ABCC4: variants seen among roughly 807,000 people sequenced by gnomAD.
ABCC4 encodes the protein ATP-binding cassette sub-family C member 4.
ABCC4 carries 102 observed loss-of-function variants against 168.5 expected under a neutral mutation model. The ratio of observed to expected loss-of-function variants is 0.61; its 90% CI spans 0.52 to 0.71. ABCC4 has a LOEUF of 0.71. Ranked by LOEUF, ABCC4 falls within the 30% of genes least tolerant of loss-of-function variation. The pLI, the probability that ABCC4 is intolerant of heterozygous loss-of-function variation, is 0.00. For missense variants in ABCC4, 1,402 were observed against 1,605.8 expected (o/e 0.87, Z 2.17); for synonymous variants, 617 against 590.7 (o/e 1.04, Z -0.65).
At chr13:95,087,254 G>A (rs112940498) in intron 20 of ABCC4, among the ~76,000 whole-genome samples, 5,944 of 152,218 alleles carry the variant, frequency 0.039, 151 homozygotes, top group Middle Eastern at 0.054. Context: ...GGCAGGGTGC[G>A]GTGGCTCACG....
intron 11 of ABCC4, among the ~76,000 whole-genome samples, chr13:95,181,898 C>T (rs545649682): frequency 6.6e-6 from 1 of 152,256 alleles, no homozygotes; most frequent in South Asian, 2.1e-4. Flanking sequence ...TATCCATATA[C>T]AGCACTATCA....
intron 4 of ABCC4, among the ~76,000 whole-genome samples, chr13:95,231,725 TA>T (rs1301477829): frequency 2.0e-5 from 3 of 152,230 alleles, no homozygotes; most frequent in Non-Finnish European, 4.4e-5. Context: ...TTTGACTTCA[TA>T]AAGAGACAAT....
intron 21 of ABCC4, among the ~76,000 whole-genome samples, chr13:95,082,292 A>G (rs994689809): frequency 1.3e-5 from 2 of 152,206 alleles, no homozygotes; most frequent in African/African-American, 4.8e-5. Context: ...CAATGATGAA[A>G]TATGTTAATT....
intron 1 of ABCC4, among the ~76,000 whole-genome samples, chr13:95,296,356 T>C (rs2041536373): frequency 6.6e-6 from 1 of 151,852 alleles, no homozygotes; most frequent in African/African-American, 2.4e-5. Flanking sequence ...AAAAAGAAAA[T>C]ATAAAATTAA....
At chr13:95,162,350 A>C (rs2037125406) in intron 18 of ABCC4, among the ~76,000 whole-genome samples, 1 of 152,216 alleles carries the variant, frequency 6.6e-6, no homozygotes, top group Non-Finnish European at 1.5e-5. Flanking sequence ...TCTATCTCTG[A>C]GGAAAGCTTG....
chr13:95,146,547 T>C (rs1855458760), intron 19 of ABCC4, among the ~76,000 whole-genome samples: 1 of 152,210 alleles, frequency 6.6e-6, no homozygotes, highest in African/African-American at 2.4e-5. Context: ...GCAGTCTGAT[T>C]AATGATTTAT....
At chr13:95,212,130 G>A (rs77477770) in intron 4 of ABCC4, among the ~76,000 whole-genome samples, 9,578 of 143,752 alleles carry the variant, frequency 0.067, 354 homozygotes, top group East Asian at 0.1. Context: ...AGCCAAGATT[G>A]CACCACTGTA....
rs1751044 is a variant in ABCC4, at chr13:95,076,626, G to A, written c.2687-1075C>T. Among the ~76,000 whole-genome samples, 1,415 of 151,652 alleles carry A rather than the reference G, an allele frequency of 9.3e-3. 22 individuals carry two copies. The highest frequency in any genetic ancestry group is 0.032 in the African/African-American group (1,312 of 41,336). ...ATTACAGATGTCCACCACCACGGCCGGCTAATTTTTGAATTTTTAGTAGAG... is the reference window on the plus strand; with the variant it reads ...ATTACAGATGTCCACCACCACGGCCAGCTAATTTTTGAATTTTTAGTAGAG... On this transcript the variant is annotated intron_variant, in intron 21 of 30. Transcript: ENST00000645237.
At chr13:95,054,115 GGATTGCCTCTGATTTTGCATCAGT>G (rs1423367678) in intron 26 of ABCC4, among the ~76,000 whole-genome samples, 2 of 127,310 alleles carry the variant, frequency 1.6e-5, no homozygotes, top group Non-Finnish European at 3.1e-5. Flanking sequence ...ACTTATGAAA[GGATTGCCTCTGATTTTGCATCAGT>G]GAATCCCCAC....
chr13:95,064,106 C>T (rs187953103), intron 25 of ABCC4, among the ~76,000 whole-genome samples: 199 of 151,992 alleles, frequency 1.3e-3, no homozygotes, highest in Non-Finnish European at 2.2e-3. Flanking sequence ...TAAAGAGATA[C>T]ATGTACAAAA....
intron 13 of ABCC4, among the ~76,000 whole-genome samples, chr13:95,173,328 C>T (rs6492767): frequency 0.27 from 40,426 of 152,062 alleles, 5,352 homozygotes; most frequent in East Asian, 0.34. Context: ...CAGTCTAGTG[C>T]GGGGGCTGGA....
chr13:95,167,399 T>C (rs1203246680), intron 14 of ABCC4, among the ~76,000 whole-genome samples: 2 of 151,930 alleles, frequency 1.3e-5, no homozygotes, highest in African/African-American at 2.4e-5. Context: ...AACAAAATAT[T>C]AGGCAAACTC....
rs550234933 is a variant in ABCC4 at position 95,112,020 on chromosome 13, T to C, written c.2535+3902A>G. Among the ~76,000 whole-genome samples the C allele has an allele frequency of 7.9e-5, 12 of 152,282 alleles. 1 individual carries two copies. In the South Asian group the frequency reaches 2.5e-3, roughly 32 times the overall value. ...AAAACCAATAAAACGATCACCATCA[T>C]ACAGAAAACGTAATCAAACATGAAT... On this transcript the variant is annotated intron_variant, in intron 20 of 30. Coordinates refer to ENST00000645237, the MANE Select transcript of ABCC4 (RefSeq NM_005845.5).
At chr13:95,029,577 T>C (rs2139210999) in intron 30 of ABCC4, among the ~76,000 whole-genome samples, 1 of 152,262 alleles carries the variant, frequency 6.6e-6, no homozygotes, top group African/African-American at 2.4e-5. Context: ...TTGAATTTTG[T>C]AACATGAGCA....
At chr13:95,264,239 GA>G (rs576620432) in intron 1 of ABCC4, among the ~76,000 whole-genome samples, 1,862 of 147,442 alleles carry the variant, frequency 0.013, 40 homozygotes, top group African/African-American at 0.043. Flanking sequence ...AATAGAATCA[GA>G]AAAAAAAAAA....
At chr13:95,170,903 C>T (rs1566487958) in intron 13 of ABCC4, among the ~76,000 whole-genome samples, 1 of 151,904 alleles carries the variant, frequency 6.6e-6, no homozygotes, top group Non-Finnish European at 1.5e-5. Flanking sequence ...TTAACATAGA[C>T]ATTCAAAAAT....
At chr13:95,188,786 G>A (rs998160835) in intron 9 of ABCC4, among the ~76,000 whole-genome samples, 3 of 152,112 alleles carry the variant, frequency 2.0e-5, no homozygotes, top group African/African-American at 7.2e-5. Context: ...AGATTTTCAT[G>A]TGAACACAGC....
intron 1 of ABCC4, among the ~76,000 whole-genome samples, chr13:95,254,333 A>G (rs2040341820): frequency 6.6e-6 from 1 of 152,180 alleles, no homozygotes; most frequent in Non-Finnish European, 1.5e-5. Context: ...TATATAAAAT[A>G]GTTTTCTGAA....
At chr13:95,164,237 G>A in intron 16 of ABCC4, 141 bp downstream of exon 16, 1 of 985,484 alleles carries the variant, frequency 1.0e-6, no homozygotes, top group Non-Finnish European at 1.5e-6. Flanking sequence ...TGGAACACCA[G>A]TAGGCAGCCC....
Sources: allele counts gnomAD v4.1 joint callset (sites outside exome capture counted in the v4.1 genomes callset), GRCh38; gene constraint gnomAD v4.1.1; transcripts MANE v1.5; gene names NCBI Gene and HGNC (gene_info 2026-07-23, HGNC 2026-07-21).